DST: variants seen among roughly 807,000 people sequenced by gnomAD.
The protein encoded by DST is bullous pemphigoid antigen.
DST carries 253 observed loss-of-function variants against 875.2 expected under a neutral mutation model. The observed-to-expected ratio is 0.29, with a 90% CI of 0.26 to 0.32. DST has a LOEUF of 0.32. DST is among the 10% of genes least tolerant of loss of function. The pLI is 1.00. For synonymous variants in DST, 3,124 were observed against 3,197.1 expected (o/e 0.98, Z 0.77); for missense variants, 8,287 against 9,111.6 (o/e 0.91, Z 3.68).
Position 56,605,710 on chromosome 6 carries a change from G to T in DST, c.8918C>A (p.Thr2973Asn), listed in dbSNP as rs1190766702. Reference protein sequence around the residue: ...LIQGSELPELTDSVKGKDEYF... With the variant: ...LIQGSELPELNDSVKGKDEYF... ...TTCATCTTTACCTTTCACAGAATCA[G>T]TCAATTCTGGCAATTCTGACCCTTG... The change falls in exon 40 of 104, where the codon ACT (threonine) becomes AAT (asparagine). Residue 2973 changes from threonine (T) to asparagine (N), a missense_variant. This residue lies in a region of DST where 3,138 missense variants were observed against 3,116.6 expected (regional missense o/e 1.01). Coordinates refer to ENST00000680361, the MANE Select transcript of DST (RefSeq NM_001374736.1). The T allele has an allele frequency of 6.2e-7, 1 of 1,612,778 alleles. No individual in the cohort carries two copies.
rs746754823 is a variant in DST at position 56,504,030 on chromosome 6, G to C, written c.19533C>G (p.Leu6511=). 1.2e-6 allele frequency: 2 copies of C among 1,608,654 alleles called. No individual in the cohort carries two copies. Among genetic ancestry groups the C allele is most frequent in the South Asian group, 2.2e-5 (2 of 89,986 alleles). ...CTTCAATCTGCTGCTTGACAGTTTC[G>C]AGATCTGTTCCAATTGGAGACATTG... ...LASMSPIGTD[L]ETVKQQIEEL... Residue 6511 remains leucine, a synonymous_variant, in exon 78 of 104, where the codon CTC becomes CTG. Coordinates refer to ENST00000680361, the MANE Select transcript of DST (RefSeq NM_001374736.1).
chr6:56,669,375 C>G (rs1174365026), intron 10 of DST, among the ~76,000 whole-genome samples: 2 of 150,590 alleles, frequency 1.3e-5, no homozygotes, highest in African/African-American at 4.9e-5. Context: ...GTGAGGGGAT[C>G]ACCTGAGGTC....
In DST at chr6:56,634,799, A is replaced by G; in HGVS notation, c.3339+2T>C. ...TGGTCTGTTTCTAGGAGTTACAAGT[A>G]CCTCAATTTGTCTGTAGTCACAGAT... On this transcript the variant is annotated splice_donor_variant, in intron 25 of 103. Transcript: ENST00000680361. LOFTEE classifies it high-confidence loss of function. 1.2e-6 allele frequency: 2 copies of G among 1,613,964 alleles called. No individual in the cohort carries two copies. Among genetic ancestry groups the G allele is most frequent in the Non-Finnish European group, 1.7e-6 (2 of 1,179,904 alleles).
At chr6:56,825,115 G>A (rs1452313806) in intron 4 of DST, among the ~76,000 whole-genome samples, 1 of 151,600 alleles carries the variant, frequency 6.6e-6, no homozygotes. Flanking sequence ...TGTGTAGAAA[G>A]AAGTAGACAT....
chr6:56,707,296 C>T (rs927416223), intron 5 of DST, among the ~76,000 whole-genome samples: 3 of 152,220 alleles, frequency 2.0e-5, no homozygotes, highest in African/African-American at 7.2e-5. Flanking sequence ...AAAAGCTAAG[C>T]TTGTGAATGT....
chr6:56,649,917 T>C lies in DST; in HGVS notation c.1434+1009A>G, dbSNP rs559044797. 3.9e-5 allele frequency among the ~76,000 whole-genome samples: 6 copies of C among 152,044 alleles called. No homozygotes were observed. In the South Asian group the frequency reaches 1.0e-3, roughly 26 times the overall value. On this transcript the variant is annotated intron_variant, in intron 12 of 103. Coordinates refer to ENST00000680361, the MANE Select transcript of DST (RefSeq NM_001374736.1). Reference sequence around the variant, plus strand: ...AGCTATCGGCCTAGTTCTGCAGTAATAGGCAGCAGGATCAGCATGAAGGTT... The same window carrying C: ...AGCTATCGGCCTAGTTCTGCAGTAACAGGCAGCAGGATCAGCATGAAGGTT...
chr6:56,466,414 A>C, intron 98 of DST: 1 of 363,066 alleles, frequency 2.8e-6, no homozygotes, highest in South Asian at 1.1e-4. Context: ...AAAGATTACA[A>C]AGGTTATCAA....
At position 56,477,430 on chromosome 6, in the gene DST, C is replaced by T; in HGVS notation, c.21590G>A (p.Gly7197Asp). The T allele has an allele frequency of 6.2e-7, 1 of 1,613,916 alleles. No homozygotes were observed. Among genetic ancestry groups the T allele is most frequent in the Non-Finnish European group, 8.5e-7 (1 of 1,179,870 alleles). The change falls in exon 91 of 104, where the codon GGC becomes GAC. Residue 7197 changes from glycine to aspartate, a missense_variant. This residue lies in a region of DST where 1,292 missense variants were observed against 1,552.7 expected (regional missense o/e 0.83). Coordinates refer to ENST00000680361, the MANE Select transcript of DST (RefSeq NM_001374736.1). ...RAELNKATTM[G>D]DTVLAICHPD... is the part of the protein sequence containing the mutation. ...GTGGCAGATAGCCAAAACGGTGTCG[C>T]CCATAGTGGTGGCTTTATTTAGTTC...
chr6:56,518,127 G>A (rs1455526401), intron 69 of DST, among the ~76,000 whole-genome samples: 1 of 152,080 alleles, frequency 6.6e-6, no homozygotes, highest in Non-Finnish European at 1.5e-5. Context: ...TATATATGCA[G>A]AGTATACCCC....
intron 4 of DST, among the ~76,000 whole-genome samples, chr6:56,758,612 A>T (rs1378053959): frequency 1.3e-5 from 2 of 152,200 alleles, no homozygotes; most frequent in South Asian, 2.1e-4. Context: ...TGGCTTGACC[A>T]CTGGGGACTG....
At chr6:56,586,592 G>T (rs541693984) in intron 49 of DST, among the ~76,000 whole-genome samples, 1 of 151,944 alleles carries the variant, frequency 6.6e-6, no homozygotes, top group Admixed American at 6.6e-5. Context: ...TTTAGAGAAC[G>T]GGCAGATTGC....
chr6:56,910,040 C>T (rs2127714822), intron 2 of DST, among the ~76,000 whole-genome samples: 1 of 152,254 alleles, frequency 6.6e-6, no homozygotes, highest in Non-Finnish European at 1.5e-5. Context: ...GAAAGTGGGG[C>T]AAAATATTAC....
At chr6:56,739,262 A>G (rs1184559118) in intron 4 of DST, among the ~76,000 whole-genome samples, 4 of 151,902 alleles carry the variant, frequency 2.6e-5, no homozygotes, top group Admixed American at 2.6e-4. Flanking sequence ...ATATACAACT[A>G]TATCTCTTAA....
At chr6:56,476,036 T>C (rs1296156003) in intron 92 of DST, 113 bp downstream of exon 92, 1 of 939,116 alleles carries the variant, frequency 1.1e-6, no homozygotes, top group Non-Finnish European at 1.5e-6. Context: ...AGCTGAGGAG[T>C]CTGAAGAAGT....
Position 56,608,533 on chromosome 6 carries a change from C to G in DST, c.6095G>C (p.Gly2032Ala), listed in dbSNP as rs545139802. The change falls in exon 40 of 104, where the codon GGT becomes GCT. Residue 2032 changes from glycine (G) to alanine (A), a missense_variant. Coordinates refer to ENST00000680361, the MANE Select transcript of DST (RefSeq NM_001374736.1). ...SSILTYQVQT[G>A]GIIQSNPAKR... ...GGCAGGGTTTGACTGGATGATTCCA[C>G]CAGTTTGAACCTGATATGTGAGGAT... 3.7e-6 allele frequency: 6 copies of G among 1,613,518 alleles called. 1 individual carries two copies. The Admixed American group carries it at 1.0e-4, about 27-fold the overall frequency.
chr6:56,581,684 C>A (rs2098000285), intron 49 of DST, among the ~76,000 whole-genome samples: 1 of 152,230 alleles, frequency 6.6e-6, no homozygotes, highest in African/African-American at 2.4e-5. Flanking sequence ...TTATCTTAAG[C>A]AACTCATGCT....
rs1592136767 is a variant in DST, at chr6:56,891,182, G to T, written c.417+9239C>A. Among the ~76,000 whole-genome samples the T allele has an allele frequency of 2.0e-5, 3 of 152,202 alleles. No individual in the cohort carries two copies. In the East Asian group the frequency reaches 5.8e-4, roughly 29 times the overall value. On this transcript the variant is annotated intron_variant, in intron 3 of 103. Coordinates refer to ENST00000680361, the MANE Select transcript of DST (RefSeq NM_001374736.1). ...AGAAGCCTGCACAGGAATTGTGTGA[G>T]ACAAGGAGCCAACAGCCTTCTCACT...
At chr6:56,723,054 G>T (rs2099428638) in intron 5 of DST, among the ~76,000 whole-genome samples, 1 of 152,230 alleles carries the variant, frequency 6.6e-6, no homozygotes, top group African/African-American at 2.4e-5. Context: ...TGGTTGACAA[G>T]TTAAAAGAAA....
At chr6:56,883,940 G>C (rs1477421671) in intron 3 of DST, among the ~76,000 whole-genome samples, 2 of 151,478 alleles carry the variant, frequency 1.3e-5, no homozygotes, top group East Asian at 3.9e-4. Flanking sequence ...TCCAAGCCTG[G>C]GCAACAAAGC....
Sources: gnomAD v4.1 joint callset for allele counts (sites outside exome capture counted in the v4.1 genomes callset) on GRCh38, gnomAD v4.1.1 for gene constraint, gnomAD v4.1.1 regional missense constraint, MANE v1.5 for transcripts, NCBI Gene and HGNC (gene_info 2026-07-23, HGNC 2026-07-21) for gene names.